The following SPAG17 variants were observed in gnomAD, a reference collection of about 807,000 sequenced individuals.
SPAG17 encodes sperm-associated antigen 17.
Under a neutral mutation model 273.6 loss-of-function variants are expected in SPAG17, and 169 were observed. That is an observed-to-expected ratio of 0.62 (90% CI 0.55 to 0.70). The LOEUF (loss-of-function observed/expected upper bound fraction) is 0.70. Ranked by LOEUF, SPAG17 falls within the 30% of genes least tolerant of loss-of-function variation. The pLI is 0.00. For missense variants in SPAG17, 2,557 were observed against 2,627.8 expected, an observed-to-expected ratio of 0.97 and a Z score of 0.59; for synonymous variants, 825 against 873.2, an observed-to-expected ratio of 0.94 and a Z score of 0.97.
intron 3 of SPAG17, among the ~76,000 whole-genome samples, chr1:118,121,012 T>C (rs577927792): frequency 1.4e-3 from 213 of 152,244 alleles, no homozygotes; most frequent in Non-Finnish European, 2.4e-3. Context: ...ATCTGGAAAT[T>C]TGAAATGCCT....
In SPAG17 at chr1:118,106,961, C is replaced by A. The variant is rs148656322; in HGVS notation, c.448-5035G>T. ...CTCTGGCCCTTTCTTCTATTTGGTT[C>A]TTGGGATTCTGGGATTCTGCAGAAA... On this transcript the variant is annotated intron_variant, in intron 4 of 48. Coordinates refer to ENST00000336338, the MANE Select transcript of SPAG17 (RefSeq NM_206996.4). Among the ~76,000 whole-genome samples, 10 of 152,210 alleles carry A rather than the reference C, an allele frequency of 6.6e-5. No homozygotes were observed. The East Asian group carries it at 1.7e-3, about 27-fold the overall frequency.
intron 48 of SPAG17, among the ~76,000 whole-genome samples, chr1:117,957,409 A>C (rs967483511): frequency 6.6e-6 from 1 of 151,738 alleles, no homozygotes; most frequent in Non-Finnish European, 1.5e-5. Context: ...TGCCTTTAAA[A>C]CAAGGATCAT....
intron 47 of SPAG17, 131 bp from the exon 48 acceptor site, chr1:117,964,069 A>T: frequency 9.8e-7 from 1 of 1,019,064 alleles, no homozygotes; most frequent in East Asian, 2.5e-5. Flanking sequence ...TGTCTATCCA[A>T]TGCAAATTCT....
intron 46 of SPAG17, among the ~76,000 whole-genome samples, chr1:117,966,982 A>C (rs1653931720): frequency 6.6e-6 from 1 of 152,144 alleles, no homozygotes; most frequent in Non-Finnish European, 1.5e-5. Flanking sequence ...GAAGGGGCAA[A>C]CCAGGTGCTA....
Position 117,962,221 on chromosome 1 carries a change from A to G in SPAG17, c.*1578T>C, listed in dbSNP as rs1653192784. The G allele has an allele frequency of 3.3e-5, 5 of 152,196 alleles. No homozygotes were observed. In the South Asian group the frequency reaches 1.0e-3, roughly 31 times the overall value. The allele number at this position is 152,196 out of a possible 1,614,324, so 9.4% of individuals were successfully genotyped here. A position where few individuals can be genotyped will look rare whatever the true frequency, so the allele number is the denominator to read the frequency against. On this transcript the variant is annotated intron_variant, in intron 48 of 48. Coordinates refer to ENST00000336338, the MANE Select transcript of SPAG17 (RefSeq NM_206996.4). ...GAACTTTTATGATAAAGTGACATGT[A>G]CAGAACCTAGCCAAGTTACAATTTT...
intron 28 of SPAG17, among the ~76,000 whole-genome samples, chr1:118,019,226 C>G (rs936609405): frequency 1.3e-5 from 2 of 151,570 alleles, no homozygotes; most frequent in South Asian, 4.2e-4. Flanking sequence ...TGATCAGACA[C>G]AGAATCTAAA....
intron 15 of SPAG17, among the ~76,000 whole-genome samples, chr1:118,078,541 T>C (rs575203354): frequency 3.3e-5 from 5 of 152,244 alleles, no homozygotes; most frequent in African/African-American, 1.2e-4. Context: ...ATGATGGTTT[T>C]ATTTCTTCCT....
intron 17 of SPAG17, among the ~76,000 whole-genome samples, chr1:118,068,942 G>GA (rs2102072647): frequency 6.6e-6 from 1 of 152,216 alleles, no homozygotes; most frequent in East Asian, 1.9e-4. Context: ...AGGTGTGTCC[G>GA]AAAAGATGAA....
chr1:117,999,900 T>C (rs556835306), intron 32 of SPAG17, among the ~76,000 whole-genome samples: 56 of 152,358 alleles, frequency 3.7e-4, no homozygotes, highest in African/African-American at 1.3e-3. Context: ...TACTTGCCCA[T>C]GCCTATGTCC....
At chr1:118,025,149 CT>C in intron 27 of SPAG17, 88 bp downstream of exon 27, 3 of 1,162,200 alleles carry the variant, frequency 2.6e-6, no homozygotes, top group Non-Finnish European at 3.6e-6. Flanking sequence ...TGAGTTGTTC[CT>C]TTTCCCTGTT....
intron 20 of SPAG17, among the ~76,000 whole-genome samples, chr1:118,049,950 C>T (rs767769954): frequency 6.6e-6 from 1 of 152,148 alleles, no homozygotes; most frequent in Non-Finnish European, 1.5e-5. Context: ...AACTGGTGAT[C>T]AGCAGCTTCC....
chr1:117,969,168 T>C (rs1654259591), intron 46 of SPAG17, among the ~76,000 whole-genome samples: 1 of 152,222 alleles, frequency 6.6e-6, no homozygotes, highest in Admixed American at 6.5e-5. Context: ...ATATGCATTT[T>C]TTTTTACTAA....
chr1:118,116,656 T>C (rs933384740), intron 3 of SPAG17, among the ~76,000 whole-genome samples: 1 of 152,206 alleles, frequency 6.6e-6, no homozygotes, highest in Non-Finnish European at 1.5e-5. Flanking sequence ...GAAGGCTCTA[T>C]GGATTACCAT....
Position 117,953,965 on chromosome 1 carries a change from G to T in SPAG17, c.*85C>A. 1 of 1,519,006 alleles carries T rather than the reference G, an allele frequency of 6.6e-7. No homozygotes were observed. The highest frequency in any genetic ancestry group is 9.0e-7 in the Non-Finnish European group (1 of 1,108,870). 94.1% of individuals were successfully genotyped at this position (1,519,006 alleles called of 1,614,324 possible). On this transcript the variant is annotated 3_prime_UTR_variant, in exon 49 of 49. Transcript: ENST00000336338. ...CCAGTTTCAGTGTCCTGGGATGATG[G>T]AGTATGTTGTGATGACTTCTTTCCT...
intron 4 of SPAG17, among the ~76,000 whole-genome samples, chr1:118,113,424 G>A (rs1444447247): frequency 6.6e-6 from 1 of 152,126 alleles, no homozygotes; most frequent in Non-Finnish European, 1.5e-5. Flanking sequence ...CTCTTAGGCA[G>A]TGTGGTTGAA....
chr1:118,003,173 C>T (rs188395333), intron 32 of SPAG17, among the ~76,000 whole-genome samples: 34 of 152,334 alleles, frequency 2.2e-4, no homozygotes, highest in Admixed American at 7.8e-4. Context: ...TTCTGGCTTG[C>T]AGGGTTTCTG....
chr1:117,994,422 G>A lies in SPAG17; in HGVS notation c.5162C>T (p.Thr1721Ile). 1 of 1,612,422 alleles carries A rather than the reference G, an allele frequency of 6.2e-7. No individual in the cohort carries two copies. Among genetic ancestry groups the A allele is most frequent in the Non-Finnish European group, 8.5e-7 (1 of 1,179,010 alleles). Residue 1721 changes from threonine (T) to isoleucine (I), a missense_variant, in exon 35 of 49, where the codon ACA becomes ATA. By Grantham distance (89) the Thr-to-Ile change is moderately conservative (BLOSUM62 -1). Coordinates refer to ENST00000336338, the MANE Select transcript of SPAG17 (RefSeq NM_206996.4). ...ATTATATACCTCAACTGAGGGAAAT[G>A]TTTCCCATGACCTTGACCGGAGATT... ...PPNLRSRSWE[T>I]FPSVEKKTPG...
chr1:118,030,589 C>T (rs1418758594), intron 25 of SPAG17, among the ~76,000 whole-genome samples: 1 of 152,062 alleles, frequency 6.6e-6, no homozygotes, highest in Non-Finnish European at 1.5e-5. Context: ...TCTCCTGCTC[C>T]TTGCCCTTGA....
At chr1:118,104,665 T>C (rs1656278077) in intron 4 of SPAG17, among the ~76,000 whole-genome samples, 1 of 151,978 alleles carries the variant, frequency 6.6e-6, no homozygotes, top group East Asian at 1.9e-4. Context: ...GATAAAAAGA[T>C]AGGGAAAAAT....
Sources: allele counts gnomAD v4.1 joint callset (sites outside exome capture counted in the v4.1 genomes callset), GRCh38; gene constraint gnomAD v4.1.1; transcripts MANE v1.5; gene names NCBI Gene and HGNC (gene_info 2026-07-23, HGNC 2026-07-21).